Variants in NDUFA9 observed in about 807,000 individuals in gnomAD.
NDUFA9 encodes the protein NADH dehydrogenase [ubiquinone] 1 alpha subcomplex subunit 9, mitochondrial.
In NDUFA9, 23 loss-of-function variants were observed where a neutral mutation model predicts 45.9. The observed-to-expected ratio is 0.50, with a 90% CI of 0.36 to 0.71. NDUFA9 has a LOEUF of 0.71. Ranked by LOEUF, NDUFA9 falls within the 30% of genes least tolerant of loss-of-function variation. The pLI is 0.00. For missense variants in NDUFA9, 466 were observed against 488.2 expected, an observed-to-expected ratio of 0.95 and a Z score of 0.43; for synonymous variants, 176 against 170.5, an observed-to-expected ratio of 1.03 and a Z score of -0.25.
At chr12:4,685,036 A>G in intron 9 of NDUFA9, 1 of 661,242 alleles carries the variant, frequency 1.5e-6, no homozygotes, top group East Asian at 2.7e-5. Flanking sequence ...TTGGAGGAGA[A>G]CAAAGTGTAC....
At chr12:4,654,526 C>G in intron 2 of NDUFA9, 64 bp downstream of exon 2, 1 of 1,534,964 alleles carries the variant, frequency 6.5e-7, no homozygotes, top group Non-Finnish European at 8.9e-7. Context: ...TGATGAGAAG[C>G]ATGAGCTATG....
chr12:4,680,755 A>G (rs766239947), intron 8 of NDUFA9, among the ~76,000 whole-genome samples: 1 of 152,192 alleles, frequency 6.6e-6, no homozygotes, highest in African/African-American at 2.4e-5. Context: ...TTAGTAAAGT[A>G]TGTCAGAATA....
rs1287203083 is a variant in NDUFA9, at chr12:4,691,233, G to A, written c.*4125G>A. 1 of 152,200 alleles carries A rather than the reference G, an allele frequency of 6.6e-6. No homozygotes were observed. The highest frequency in any genetic ancestry group is 1.5e-5 in the Non-Finnish European group (1 of 68,036). The allele number at this position is 152,200 out of a possible 1,614,324, so 9.4% of individuals were successfully genotyped here. On this transcript the variant is annotated 3_prime_UTR_variant, in exon 11 of 11. Coordinates refer to ENST00000266544, the MANE Select transcript of NDUFA9 (RefSeq NM_005002.5). The stretch of plus-strand genomic sequence containing the variant: ...AATGAGATCATGCATGTAAAATGCT[G>A]AGCCCTGCACATAATAAGAACTAAG...
chr12:4,652,142 T>C (rs1281355941), intron 1 of NDUFA9, among the ~76,000 whole-genome samples: 1 of 152,230 alleles, frequency 6.6e-6, no homozygotes, highest in Non-Finnish European at 1.5e-5. Flanking sequence ...GATAATTCTT[T>C]GCCTTTTCTC....
chr12:4,664,156 T>C (rs1355943628), intron 6 of NDUFA9, among the ~76,000 whole-genome samples: 1 of 152,232 alleles, frequency 6.6e-6, no homozygotes, highest in Non-Finnish European at 1.5e-5. Flanking sequence ...AACCTGAAGA[T>C]TTGGAAAATT....
intron 8 of NDUFA9, among the ~76,000 whole-genome samples, chr12:4,673,750 G>A (rs1447059748): frequency 2.0e-5 from 3 of 151,256 alleles, no homozygotes; most frequent in Non-Finnish European, 3.0e-5. Context: ...AGCCAAGTTG[G>A]AAAACTCCAG....
chr12:4,654,697 ATTC>A (rs2137462384), intron 2 of NDUFA9, 125 bp from the exon 3 acceptor site: 1 of 964,218 alleles, frequency 1.0e-6, no homozygotes, highest in East Asian at 2.6e-5. Flanking sequence ...ATGGCAAAAT[ATTC>A]TTTTTGTCAA....
chr12:4,658,322 C>G (rs1945803330), intron 4 of NDUFA9, among the ~76,000 whole-genome samples: 2 of 152,190 alleles, frequency 1.3e-5, no homozygotes, highest in Non-Finnish European at 2.9e-5. Flanking sequence ...TTGTTTACAC[C>G]TCTTTTTATA....
At chr12:4,655,246 C>T (rs1323925084) in intron 3 of NDUFA9, 1 of 212,790 alleles carries the variant, frequency 4.7e-6, no homozygotes, top group Non-Finnish European at 9.4e-6. Context: ...ATGGGCATGG[C>T]TGCATTTCAG....
Position 4,654,308 on chromosome 12 carries a change from A to T in NDUFA9, c.66A>T (p.Ala22=). 2 of 1,613,894 alleles carry T rather than the reference A, an allele frequency of 1.2e-6. No homozygotes were observed. The highest frequency in any genetic ancestry group is 1.7e-6 in the Non-Finnish European group (2 of 1,179,856). Residue 22 remains alanine, a synonymous_variant, in exon 2 of 11, where the codon GCA becomes GCT. Transcript: ENST00000266544. Reference sequence around the variant, plus strand: ...TTGTTTAAGGTTCTGCCATTACTGCAATAGCCACATCTGTGTGTCACGGCC... The same window carrying T: ...TTGTTTAAGGTTCTGCCATTACTGCTATAGCCACATCTGTGTGTCACGGCC... ...VLSMSRSAIT[A]IATSVCHGPP...
chr12:4,682,143 G>A, intron 8 of NDUFA9, 62 bp from the exon 9 acceptor site: 9 of 1,252,086 alleles, frequency 7.2e-6, no homozygotes, highest in East Asian at 2.4e-5. Flanking sequence ...ATGTTATTTT[G>A]TTATAAAGGA....
At chr12:4,655,165 G>A (rs1483211950) in intron 3 of NDUFA9, 13 of 417,876 alleles carry the variant, frequency 3.1e-5, no homozygotes, top group East Asian at 2.1e-4. Flanking sequence ...TTTGCAGGTC[G>A]TAGAGTCTTT....
intron 9 of NDUFA9, 148 bp from the exon 10 acceptor site, chr12:4,685,111 C>T: frequency 1.4e-6 from 1 of 740,166 alleles, no homozygotes; most frequent in East Asian, 2.7e-5. Flanking sequence ...GAGGTAGCCT[C>T]ACAGGTCGAG....
At chr12:4,685,113 C>T (rs1945976971) in intron 9 of NDUFA9, 146 bp from the exon 10 acceptor site, 3 of 742,274 alleles carry the variant, frequency 4.0e-6, no homozygotes, top group Non-Finnish European at 7.3e-6. Flanking sequence ...GGTAGCCTCA[C>T]AGGTCGAGGT....
rs1337762307 is a variant in NDUFA9 at position 4,682,903 on chromosome 12, C to T, written c.896+603C>T. ...GCAATATAGCGAAGCCCCATCTCTA[C>T]AAAACATACCAAATTAGCTGGATGT... On this transcript the variant is annotated intron_variant, in intron 9 of 10. Coordinates refer to ENST00000266544, the MANE Select transcript of NDUFA9 (RefSeq NM_005002.5). 5.3e-5 allele frequency among the ~76,000 whole-genome samples: 8 copies of T among 152,134 alleles called. No homozygotes were observed. The South Asian group carries it at 1.7e-3, about 32-fold the overall frequency.
chr12:4,670,557 A>G (rs1945880442), intron 8 of NDUFA9, among the ~76,000 whole-genome samples: 1 of 152,362 alleles, frequency 6.6e-6, no homozygotes, highest in East Asian at 1.9e-4. Flanking sequence ...GTTTGCCTCT[A>G]GAGGAAAATG....
At chr12:4,685,631 T>C (rs1272227983) in intron 10 of NDUFA9, among the ~76,000 whole-genome samples, 1 of 152,048 alleles carries the variant, frequency 6.6e-6, no homozygotes. Context: ...GCTACTTTCC[T>C]GTTGTGTCCC....
intron 1 of NDUFA9, among the ~76,000 whole-genome samples, chr12:4,653,185 T>G (rs4147671): frequency 0.3 from 45,154 of 152,224 alleles, 6,889 homozygotes; most frequent in Middle Eastern, 0.42. Context: ...AAAGAGATTC[T>G]CATTCCTGCC....
At position 4,654,888 on chromosome 12, in the gene NDUFA9, G is replaced by A. The variant is rs71579254; in HGVS notation, c.284G>A (p.Arg95His). The change falls in exon 3 of 11, where the codon CGT (arginine) becomes CAT (histidine). Residue 95 changes from arginine to histidine, a missense_variant. Transcript: ENST00000266544. ...RCDKYDIMHL[R>H]PMGDLGQLLF... ...GATAAATATGACATCATGCACCTTC[G>A]TCCCATGGGTGACCTGGGCCAGCTT... is the stretch of plus-strand genomic sequence containing the variant. 6 of 1,613,648 alleles carry A rather than the reference G, an allele frequency of 3.7e-6. No individual in the cohort carries two copies. The highest frequency in any genetic ancestry group is 1.1e-5 in the South Asian group (1 of 91,054).
Sources: allele counts gnomAD v4.1 joint callset (sites outside exome capture counted in the v4.1 genomes callset), GRCh38; gene constraint gnomAD v4.1.1; transcripts MANE v1.5; gene names NCBI Gene and HGNC (gene_info 2026-07-23, HGNC 2026-07-21).